Variants in ADCY3 observed in about 807,000 individuals in gnomAD.
ADCY3 encodes the protein adenylate cyclase type 3.
In ADCY3, 70 loss-of-function variants were observed where a neutral mutation model predicts 119.4. The observed-to-expected ratio is 0.59, with a 90% CI of 0.48 to 0.72. The LOEUF (loss-of-function observed/expected upper bound fraction) is 0.72, where lower values mean the gene tolerates loss of function less well. Among genes scored for constraint, ADCY3 ranks in the 30% least tolerant of loss-of-function variants. ADCY3 has a pLI of 0.00. For synonymous variants in ADCY3, 672 were observed against 621.4 expected (o/e 1.08, Z -1.21); for missense variants, 1,238 against 1,541.6 (o/e 0.80, Z 3.30).
chr2:24,908,979 T>A (rs1663240786), intron 2 of ADCY3, among the ~76,000 whole-genome samples: 1 of 152,124 alleles, frequency 6.6e-6, no homozygotes, highest in African/African-American at 2.4e-5. Context: ...AGGCAACCCC[T>A]CAGCCTCCCT....
rs552996360 is a variant in ADCY3, at chr2:24,867,564, C to G, written c.825+5006G>C. 2.3e-4 allele frequency among the ~76,000 whole-genome samples: 35 copies of G among 152,280 alleles called. No individual in the cohort carries two copies. The South Asian group carries it at 6.6e-3, about 29-fold the overall frequency. On this transcript the variant is annotated intron_variant, in intron 3 of 21. Coordinates refer to ENST00000679454, the MANE Select transcript of ADCY3 (RefSeq NM_004036.5). ...AAATTTCTGTTCTTTATAAATTACC[C>G]AGTTTCAGGTATTCTGTTGTAGCAG...
At chr2:24,863,549 C>G (rs1558469775) in intron 3 of ADCY3, among the ~76,000 whole-genome samples, 1 of 152,186 alleles carries the variant, frequency 6.6e-6, no homozygotes, top group Admixed American at 6.5e-5. Flanking sequence ...CTAATACAGC[C>G]TCTATCAGTC....
chr2:24,839,252 T>C (rs1461557631), intron 7 of ADCY3, among the ~76,000 whole-genome samples: 1 of 152,154 alleles, frequency 6.6e-6, no homozygotes, highest in Admixed American at 6.5e-5. Flanking sequence ...ATCCCCCACC[T>C]TGCACGTTTC....
chr2:24,865,489 CTGTGTGTGTGTGTGTGTGTGTGTGTG>C (rs3222240), intron 3 of ADCY3, among the ~76,000 whole-genome samples: 1,600 of 140,524 alleles, frequency 0.011, 30 homozygotes, highest in African/African-American at 0.037. Context: ...AGGCTATCAT[CTGTGTGTGTGTGTGTGTGTGTGTGTG>C]TGTGTGTGTG....
intron 2 of ADCY3, among the ~76,000 whole-genome samples, chr2:24,900,972 G>A (rs767990131): frequency 2.0e-5 from 3 of 152,170 alleles, no homozygotes; most frequent in Admixed American, 1.3e-4. Flanking sequence ...GGCTGAGGCA[G>A]GAGAATCGCT....
chr2:24,861,078 C>T (rs1241468516), intron 3 of ADCY3, among the ~76,000 whole-genome samples: 1 of 152,132 alleles, frequency 6.6e-6, no homozygotes, highest in Non-Finnish European at 1.5e-5. Context: ...TGGTGAAACC[C>T]CGTCTGTACT....
chr2:24,848,504 C>G (rs1671915109), intron 3 of ADCY3, among the ~76,000 whole-genome samples: 1 of 152,192 alleles, frequency 6.6e-6, no homozygotes, highest in African/African-American at 2.4e-5. Flanking sequence ...CTCTATATTT[C>G]TGTGTGCGTG....
intron 2 of ADCY3, among the ~76,000 whole-genome samples, chr2:24,909,852 A>G (rs1438259214): frequency 6.6e-6 from 1 of 152,174 alleles, no homozygotes; most frequent in Admixed American, 6.5e-5. Flanking sequence ...CAAACATCAA[A>G]AGATAGAATC....
intron 2 of ADCY3, among the ~76,000 whole-genome samples, chr2:24,879,685 TAAAGTC>T (rs1304183488): frequency 6.6e-6 from 1 of 152,142 alleles, no homozygotes; most frequent in African/African-American, 2.4e-5. Flanking sequence ...GCAAGAGACT[TAAAGTC>T]AGAGAAATAA....
intron 19 of ADCY3, 25 bp from the exon 20 acceptor site, chr2:24,821,665 G>A: frequency 6.2e-7 from 1 of 1,612,604 alleles, no homozygotes. Context: ...CGTGGAGAAA[G>A]TGTCAGGGGC....
chr2:24,897,720 A>C (rs1678445676), intron 2 of ADCY3, among the ~76,000 whole-genome samples: 1 of 152,170 alleles, frequency 6.6e-6, no homozygotes, highest in Admixed American at 6.5e-5. Context: ...AAGTTCAGCA[A>C]GGACAACAAC....
intron 2 of ADCY3, among the ~76,000 whole-genome samples, chr2:24,887,373 G>A (rs908288854): frequency 1.3e-5 from 2 of 152,110 alleles, no homozygotes; most frequent in Admixed American, 1.3e-4. Context: ...AAGCCTAACC[G>A]TATCACTTAC....
intron 15 of ADCY3, 75 bp from the exon 16 acceptor site, chr2:24,826,201 A>G (rs1668595216): frequency 2.2e-6 from 3 of 1,347,564 alleles, no homozygotes; most frequent in Non-Finnish European, 3.2e-6. Flanking sequence ...CTCCAACTAG[A>G]TGGTGCTGCT....
intron 2 of ADCY3, among the ~76,000 whole-genome samples, chr2:24,895,159 C>T (rs563709440): frequency 1.8e-4 from 27 of 152,152 alleles, no homozygotes; most frequent in African/African-American, 6.0e-4. Flanking sequence ...GGTGCAATCT[C>T]GGCTCACTGC....
chr2:24,857,578 C>T (rs1366474294), intron 3 of ADCY3, among the ~76,000 whole-genome samples: 1 of 152,210 alleles, frequency 6.6e-6, no homozygotes, highest in Non-Finnish European at 1.5e-5. Flanking sequence ...CTACATATGA[C>T]AAGTGGCTAC....
chr2:24,828,968 G>A (rs1046204664), intron 13 of ADCY3, among the ~76,000 whole-genome samples: 1 of 152,168 alleles, frequency 6.6e-6, no homozygotes, highest in Non-Finnish European at 1.5e-5. Context: ...CCCTGGCCAA[G>A]GTAGGCTCTG....
chr2:24,821,672 G>C (rs780940564), intron 19 of ADCY3, 32 bp from the exon 20 acceptor site: 1 of 1,610,964 alleles, frequency 6.2e-7, no homozygotes, highest in Non-Finnish European at 8.5e-7. Context: ...AAAGTGTCAG[G>C]GGCCGCTCAC....
chr2:24,839,738 G>A, intron 7 of ADCY3, 135 bp downstream of exon 7: 2 of 1,296,276 alleles, frequency 1.5e-6, no homozygotes, highest in Non-Finnish European at 2.2e-6. Context: ...GGCGAGACAG[G>A]AGGAATGCTG....
chr2:24,910,833 G>A (rs1173645769), intron 2 of ADCY3, among the ~76,000 whole-genome samples: 1 of 151,972 alleles, frequency 6.6e-6, no homozygotes, highest in Non-Finnish European at 1.5e-5. Flanking sequence ...TTTTAATAGA[G>A]ATAGGGTTTC....
Sources: gnomAD v4.1 joint callset for allele counts (sites outside exome capture counted in the v4.1 genomes callset) on GRCh38, gnomAD v4.1.1 for gene constraint, MANE v1.5 for transcripts, NCBI Gene and HGNC (gene_info 2026-07-23, HGNC 2026-07-21) for gene names.